CDH18: variants seen among roughly 807,000 people sequenced by gnomAD.
The protein encoded by CDH18 is cadherin 18, also known as cadherin-18.
CDH18 carries 31 observed loss-of-function variants against 67.9 expected under a neutral mutation model. The ratio of observed to expected loss-of-function variants is 0.46; its 90% CI spans 0.34 to 0.62. The LOEUF (loss-of-function observed/expected upper bound fraction) is 0.62. Ranked by LOEUF, CDH18 falls within the 20% of genes least tolerant of loss-of-function variation. CDH18 has a pLI of 0.01. For synonymous variants in CDH18, 362 were observed against 347.2 expected, an observed-to-expected ratio of 1.04 and a Z score of -0.48; for missense variants, 890 against 975.5, an observed-to-expected ratio of 0.91 and a Z score of 1.17.
chr5:20,325,474 A>C (rs182285790), intron 1 of CDH18, among the ~76,000 whole-genome samples: 2 of 152,272 alleles, frequency 1.3e-5, no homozygotes, highest in African/African-American at 4.8e-5. Flanking sequence ...AAAATAAATA[A>C]TCAGAGCGAA....
chr5:20,321,048 CCT>C (rs1416574792), intron 1 of CDH18, among the ~76,000 whole-genome samples: 2 of 152,052 alleles, frequency 1.3e-5, no homozygotes, highest in Non-Finnish European at 2.9e-5. Context: ...TCCATTATTC[CCT>C]CTCTTTCCTT....
chr5:19,676,506 A>G (rs188732621), intron 5 of CDH18, among the ~76,000 whole-genome samples: 50 of 152,168 alleles, frequency 3.3e-4, no homozygotes, highest in Admixed American at 1.3e-3. Flanking sequence ...AGCCAGCACC[A>G]GGGAGAGGCC....
At chr5:19,786,543 G>T (rs898850990) in intron 3 of CDH18, among the ~76,000 whole-genome samples, 8 of 152,032 alleles carry the variant, frequency 5.3e-5, no homozygotes, top group Non-Finnish European at 4.4e-5. Context: ...TCTTCAATCA[G>T]CTTCCTTGAA....
At chr5:20,329,117 C>T (rs1301652724) in intron 1 of CDH18, among the ~76,000 whole-genome samples, 3 of 152,152 alleles carry the variant, frequency 2.0e-5, no homozygotes, top group African/African-American at 7.2e-5. Context: ...AACAAAGGAG[C>T]TAATAGCTAT....
At chr5:20,405,363 C>A (rs1488251721) in intron 1 of CDH18, among the ~76,000 whole-genome samples, 1 of 152,126 alleles carries the variant, frequency 6.6e-6, no homozygotes, top group Admixed American at 6.6e-5. Flanking sequence ...ATAAATGGTG[C>A]TGGGAAAACT....
intron 6 of CDH18, among the ~76,000 whole-genome samples, chr5:19,592,136 C>T (rs1745247031): frequency 6.6e-6 from 1 of 151,854 alleles, no homozygotes; most frequent in Non-Finnish European, 1.5e-5. Flanking sequence ...AATGAGATTT[C>T]ACACAATCCA....
intron 7 of CDH18, among the ~76,000 whole-genome samples, chr5:19,583,902 A>C (rs1743679861): frequency 2.0e-5 from 3 of 152,306 alleles, no homozygotes; most frequent in East Asian, 3.9e-4. Flanking sequence ...ACAAGTTTAA[A>C]ATTTTTTGGC....
chr5:19,711,003 A>G (rs1279420461), intron 5 of CDH18, among the ~76,000 whole-genome samples: 6 of 152,154 alleles, frequency 3.9e-5, no homozygotes, highest in Admixed American at 3.9e-4. Context: ...CACTGAGGAA[A>G]GAACACCCTA....
intron 3 of CDH18, among the ~76,000 whole-genome samples, chr5:19,819,020 A>T (rs1779582433): frequency 6.6e-6 from 1 of 152,012 alleles, no homozygotes; most frequent in Non-Finnish European, 1.5e-5. Context: ...GTTGGAAAAA[A>T]ATGTGACTTA....
At position 19,838,924 on chromosome 5, in the gene CDH18, C is replaced by A; in HGVS notation, c.63G>T (p.Arg21Ser). ...PVLVCLCFVQ[R>S]CYGTAHHSSI... ...AGCTGTGGTGAGCAGTTCCATAACACCTCTGCACAAAACAGAGACACACTA... is the reference window on the plus strand; with the variant it reads ...AGCTGTGGTGAGCAGTTCCATAACAACTCTGCACAAAACAGAGACACACTA... Residue 21 changes from arginine to serine, a missense_variant, in exon 3 of 13, where the codon AGG becomes AGT. Arg to Ser is a moderately radical substitution (Grantham distance 110). Transcript: ENST00000382275. 1 of 1,614,100 alleles carries A rather than the reference C, an allele frequency of 6.2e-7. No homozygotes were observed. Among genetic ancestry groups the A allele is most frequent in the Non-Finnish European group, 8.5e-7 (1 of 1,179,968 alleles).
intron 6 of CDH18, among the ~76,000 whole-genome samples, chr5:19,599,673 C>T (rs1290616052): frequency 4.6e-5 from 7 of 151,948 alleles, no homozygotes; most frequent in African/African-American, 1.7e-4. Flanking sequence ...GAGGCCGAGG[C>T]GGGCAGATCA....
intron 1 of CDH18, among the ~76,000 whole-genome samples, chr5:20,361,146 T>C (rs574574460): frequency 1.3e-5 from 2 of 152,110 alleles, no homozygotes; most frequent in Non-Finnish European, 2.9e-5. Flanking sequence ...TAAAAATTGT[T>C]CATTCATTCA....
At chr5:19,511,180 GA>G (rs1745060449) in intron 10 of CDH18, among the ~76,000 whole-genome samples, 1 of 152,092 alleles carries the variant, frequency 6.6e-6, no homozygotes, top group East Asian at 1.9e-4. Flanking sequence ...GGCTTCTGAA[GA>G]AGGTGCCTTG....
At chr5:19,813,035 C>T (rs1331766744) in intron 3 of CDH18, among the ~76,000 whole-genome samples, 10 of 152,034 alleles carry the variant, frequency 6.6e-5, no homozygotes, top group Non-Finnish European at 1.3e-4. Flanking sequence ...GAAACTAACA[C>T]AGGAACAGAA....
chr5:19,697,943 T>A (rs1762749571), intron 5 of CDH18, among the ~76,000 whole-genome samples: 1 of 152,184 alleles, frequency 6.6e-6, no homozygotes. Flanking sequence ...GCTCCGGGTC[T>A]CTTATTCAGG....
In CDH18 at chr5:20,018,692, T is replaced by C. The variant is rs191914741; in HGVS notation, c.-517-26678A>G. Among the ~76,000 whole-genome samples the C allele has an allele frequency of 8.1e-4, 124 of 152,316 alleles. 1 individual carries two copies. The highest frequency in any genetic ancestry group is 2.9e-3 in the African/African-American group (120 of 41,556). ...GAAAGTGAGAAGAATCAGGATTTTG[T>C]TTCCTATGGAATAAAAATGAATAAC... is the stretch of plus-strand genomic sequence containing the variant. On this transcript the variant is annotated intron_variant, in intron 2 of 14. Coordinates refer to the CDH18 transcript ENST00000507958.
intron 3 of CDH18, among the ~76,000 whole-genome samples, chr5:19,749,346 A>G (rs1393185606): frequency 6.6e-6 from 1 of 151,390 alleles, no homozygotes; most frequent in Non-Finnish European, 1.5e-5. Flanking sequence ...TTATAAATCT[A>G]TATATTGTAC....
chr5:19,966,195 A>T (rs1797423925), intron 2 of CDH18, among the ~76,000 whole-genome samples: 2 of 152,186 alleles, frequency 1.3e-5, no homozygotes. Context: ...TTCATCATTA[A>T]AACATACTAT....
At chr5:20,321,021 A>G (rs185919524) in intron 1 of CDH18, among the ~76,000 whole-genome samples, 35 of 152,058 alleles carry the variant, frequency 2.3e-4, no homozygotes, top group African/African-American at 8.4e-4. Flanking sequence ...GGAAGTCTCC[A>G]CTTGTATCCT....
Sources: gnomAD v4.1 joint callset for allele counts (sites outside exome capture counted in the v4.1 genomes callset) on GRCh38, gnomAD v4.1.1 for gene constraint, MANE v1.5 for transcripts, NCBI Gene and HGNC (gene_info 2026-07-23, HGNC 2026-07-21) for gene names.